Variants in SLC4A5 observed in about 807,000 individuals in gnomAD.
The protein encoded by SLC4A5 is electrogenic sodium bicarbonate cotransporter 4.
Under a neutral mutation model 120.4 loss-of-function variants are expected in SLC4A5, and 96 were observed. That is an observed-to-expected ratio of 0.80 (90% CI 0.68 to 0.94). The LOEUF is 0.94. Among genes scored for constraint, SLC4A5 ranks in the 40% least tolerant of loss-of-function variants. The pLI, the probability that SLC4A5 is intolerant of heterozygous loss-of-function variation, is 0.00. For missense variants in SLC4A5, 1,259 were observed against 1,459.5 expected (o/e 0.86, Z 2.24); for synonymous variants, 550 against 571.1 (o/e 0.96, Z 0.53).
At chr2:74,264,100 T>C in intron 10 of SLC4A5, 47 bp downstream of exon 10, 1 of 1,588,504 alleles carries the variant, frequency 6.3e-7, no homozygotes, top group Non-Finnish European at 8.6e-7. Flanking sequence ...CAGGGCCTGA[T>C]ACTGGCCCTG....
At chr2:74,227,991 G>T (rs1694911361) in intron 25 of SLC4A5, 113 bp from the exon 26 acceptor site, 6 of 731,612 alleles carry the variant, frequency 8.2e-6, no homozygotes, top group South Asian at 3.9e-5. Context: ...CTGGATATTT[G>T]GGGGAACAGA....
At chr2:74,304,998 C>A (rs115407214) in intron 6 of SLC4A5, among the ~76,000 whole-genome samples, 3,358 of 152,308 alleles carry the variant, frequency 0.022, 120 homozygotes, top group African/African-American at 0.077. Flanking sequence ...AGGGGAAAGT[C>A]CCTCAGTGGG....
intron 2 of SLC4A5, chr2:74,339,256 C>T (rs1213680358): frequency 6.6e-6 from 1 of 151,982 alleles, no homozygotes; most frequent in Non-Finnish European, 1.5e-5. Context: ...GGAGGGAGAG[C>T]ATCAGGAAGA....
chr2:74,309,813 G>A (rs1318490144), intron 6 of SLC4A5, among the ~76,000 whole-genome samples: 8 of 151,534 alleles, frequency 5.3e-5, no homozygotes, highest in African/African-American at 1.5e-4. Flanking sequence ...CCACCACCAC[G>A]CCCGGCTAAT....
At chr2:74,229,782 G>C (rs1257381190) in intron 25 of SLC4A5, among the ~76,000 whole-genome samples, 1 of 151,966 alleles carries the variant, frequency 6.6e-6, no homozygotes, top group African/African-American at 2.4e-5. Context: ...GGTATGCCCA[G>C]CACCAATTCT....
chr2:74,302,415 G>A (rs1196921459), intron 7 of SLC4A5, among the ~76,000 whole-genome samples: 1 of 152,114 alleles, frequency 6.6e-6, no homozygotes, highest in Admixed American at 6.6e-5. Flanking sequence ...TCAGGAGTTC[G>A]AGACCAGCCT....
At chr2:74,253,418 C>T (rs1397276909) in intron 14 of SLC4A5, among the ~76,000 whole-genome samples, 1 of 152,190 alleles carries the variant, frequency 6.6e-6, no homozygotes, top group Non-Finnish European at 1.5e-5. Context: ...GTTTTCCACA[C>T]ATCATACATA....
At chr2:74,232,329 C>T in intron 24 of SLC4A5, 140 bp downstream of exon 24, 1 of 948,584 alleles carries the variant, frequency 1.1e-6, no homozygotes, top group South Asian at 1.7e-5. Context: ...CCAGGGATAG[C>T]ACTCCTGTCC....
chr2:74,225,716 C>G (rs1424252866), intron 27 of SLC4A5, among the ~76,000 whole-genome samples: 2 of 152,182 alleles, frequency 1.3e-5, no homozygotes, highest in Non-Finnish European at 1.5e-5. Flanking sequence ...TTTAGCAGGT[C>G]AGGTAATGCC....
chr2:74,327,528 G>C (rs1673245136), intron 5 of SLC4A5, among the ~76,000 whole-genome samples: 2 of 152,096 alleles, frequency 1.3e-5, no homozygotes, highest in African/African-American at 4.8e-5. Flanking sequence ...CTCCAGGAGA[G>C]AAAGGACAAA....
chr2:74,265,177 G>A lies in SLC4A5; in HGVS notation c.489C>T (p.Phe163=), dbSNP rs199820280. ...CCGTCTGCAGGCAGGTACGGAGCTC[G>A]AAGAGGCTGTGCAGGGATAGTGTGG... Residue 163 remains phenylalanine (F), a synonymous_variant, in exon 9 of 31, where the codon TTC becomes TTT. Coordinates refer to ENST00000394019, the Ensembl canonical transcript of SLC4A5. 3.7e-5 allele frequency: 59 copies of A among 1,614,248 alleles called. No homozygotes were observed. In the East Asian group the frequency reaches 4.7e-4, roughly 13 times the overall value.
chr2:74,223,765 T>C (rs1372382480), intron 28 of SLC4A5, among the ~76,000 whole-genome samples: 1 of 152,194 alleles, frequency 6.6e-6, no homozygotes, highest in Non-Finnish European at 1.5e-5. Context: ...GAACCCACCT[T>C]TACAAATCAT....
exon 31 of SLC4A5, chr2:74,216,611 AATT>A (rs1694452481): frequency 6.6e-6 from 1 of 152,080 alleles, no homozygotes; most frequent in African/African-American, 2.4e-5. Flanking sequence ...TTTAAAAATT[AATT>A]ATTATTGTTT....
At chr2:74,265,223 C>T (rs754101828) in exon 9 of SLC4A5, 16 of 1,614,060 alleles carry the variant, frequency 9.9e-6, no homozygotes, top group Non-Finnish European at 1.3e-5. Context: ...CTTGCTCCAG[C>T]GTTCGCCGCC....
chr2:74,278,302 A>T (rs555621309), intron 8 of SLC4A5, among the ~76,000 whole-genome samples: 5 of 151,950 alleles, frequency 3.3e-5, no homozygotes, highest in Non-Finnish European at 5.9e-5. Context: ...ATCTCTCCTC[A>T]CTTAATTAGC....
At chr2:74,341,791 G>A (rs1673632741) in intron 2 of SLC4A5, among the ~76,000 whole-genome samples, 1 of 152,234 alleles carries the variant, frequency 6.6e-6, no homozygotes, top group Admixed American at 6.5e-5. Flanking sequence ...AAATGAAGTA[G>A]GCATGGATGG....
chr2:74,306,062 T>C lies in SLC4A5; in HGVS notation c.80-1382A>G, dbSNP rs115749142. On this transcript the variant is annotated intron_variant, in intron 6 of 30. Transcript: ENST00000394019. ...TACTTACTATCTCTACAATTTTGCCTTTTCCAAAATATCACAGAGTTGGAA... is the reference window on the plus strand; with the variant it reads ...TACTTACTATCTCTACAATTTTGCCCTTTCCAAAATATCACAGAGTTGGAA... 3.1e-3 allele frequency among the ~76,000 whole-genome samples: 466 copies of C among 152,298 alleles called. 2 individuals carry two copies. Among genetic ancestry groups the C allele is most frequent in the Non-Finnish European group, 5.0e-3 (339 of 68,036 alleles).
chr2:74,253,225 C>T, intron 14 of SLC4A5, 97 bp from the exon 15 acceptor site: 1 of 1,364,506 alleles, frequency 7.3e-7, no homozygotes, highest in Non-Finnish European at 1.0e-6. Flanking sequence ...TCCCTTTGAA[C>T]CACATCTCCC....
At chr2:74,220,732 G>T (rs1694610906) in intron 30 of SLC4A5, among the ~76,000 whole-genome samples, 1 of 150,846 alleles carries the variant, frequency 6.6e-6, no homozygotes, top group Non-Finnish European at 1.5e-5. Context: ...TAGCCAGGAT[G>T]GTCTCCATCT....
Sources: allele counts gnomAD v4.1 joint callset (sites outside exome capture counted in the v4.1 genomes callset), GRCh38; gene constraint gnomAD v4.1.1; transcripts MANE v1.5; gene names NCBI Gene and HGNC (gene_info 2026-07-23, HGNC 2026-07-21).